Variants in SPNS3 observed in about 807,000 individuals in gnomAD.
SPNS3 encodes protein spinster homolog 3.
SPNS3 carries 51 observed loss-of-function variants against 54.4 expected under a neutral mutation model. That is an observed-to-expected ratio of 0.94 (90% confidence interval 0.75 to 1.18). The LOEUF is 1.18. Among genes scored for constraint, SPNS3 ranks in the 50% most tolerant of loss-of-function variants. The pLI, the probability that SPNS3 is intolerant of heterozygous loss-of-function variation, is 0.00. For synonymous variants in SPNS3, 309 were observed against 294.7 expected (o/e 1.05, Z -0.50); for missense variants, 669 against 677.4 (o/e 0.99, Z 0.14).
chr17:4,436,103 C>T (rs562657388), intron 1 of SPNS3, among the ~76,000 whole-genome samples: 2 of 152,152 alleles, frequency 1.3e-5, no homozygotes, highest in Admixed American at 1.3e-4. Context: ...CAGGAATGAC[C>T]ATCTCATGGG....
Position 4,486,961 on chromosome 17 carries a change from T to C in SPNS3, c.1450+378T>C, listed in dbSNP as rs897468853. ...GGCCAAGGCGGGCGGATTACAAGGT[T>C]AGGAGTTCAAGACCAGCCTGGGCAA... On this transcript the variant is annotated intron_variant, in intron 11 of 11. Coordinates refer to ENST00000355530, the MANE Select transcript of SPNS3 (RefSeq NM_182538.5). This position sits in a 1 kb window ranked among gnomAD's most constrained non-coding sequence, Gnocchi z 5.5. Among the ~76,000 whole-genome samples, 12 of 151,710 alleles carry C rather than the reference T, an allele frequency of 7.9e-5. No individual in the cohort carries two copies. The highest frequency in any genetic ancestry group is 1.7e-4 in the African/African-American group (7 of 41,246).
At chr17:4,477,167 G>C (rs957823243) in intron 8 of SPNS3, among the ~76,000 whole-genome samples, 7 of 152,230 alleles carry the variant, frequency 4.6e-5, no homozygotes, top group Non-Finnish European at 8.8e-5. Context: ...TCACGGCGTG[G>C]GGGGTGGGGG....
chr17:4,458,626 T>TTCCTTCC, intron 8 of SPNS3, among the ~76,000 whole-genome samples: 1 of 132,278 alleles, frequency 7.6e-6, no homozygotes, highest in African/African-American at 2.8e-5. Context: ...TCTTTCTTTC[T>TTCCTTCC]TTCTTTCTTT....
chr17:4,465,571 A>G (rs1971655867), intron 8 of SPNS3, among the ~76,000 whole-genome samples: 1 of 152,144 alleles, frequency 6.6e-6, no homozygotes. Context: ...CTACAAAAAT[A>G]CAAAAATTAG....
chr17:4,474,684 G>A (rs4790198), intron 8 of SPNS3, among the ~76,000 whole-genome samples: 90,170 of 152,042 alleles, frequency 0.59, 27,054 homozygotes, highest in Admixed American at 0.66. Context: ...GATGTGCACA[G>A]GAGTGAGACA....
intron 2 of SPNS3, among the ~76,000 whole-genome samples, chr17:4,444,040 G>T (rs768785634): frequency 1.1e-4 from 16 of 152,172 alleles, no homozygotes; most frequent in Non-Finnish European, 1.9e-4. Flanking sequence ...GGCAGAGGCT[G>T]CAGGGAGCTG....
intron 1 of SPNS3, among the ~76,000 whole-genome samples, chr17:4,438,878 A>G (rs772680679): frequency 2.0e-5 from 3 of 151,922 alleles, no homozygotes; most frequent in Non-Finnish European, 4.4e-5. Flanking sequence ...CTCACTGCAC[A>G]TGTGTCTGTG....
chr17:4,486,689 G>T lies in SPNS3; in HGVS notation c.1450+106G>T. On this transcript the variant is annotated intron_variant, in intron 11 of 11. Coordinates refer to ENST00000355530, the MANE Select transcript of SPNS3 (RefSeq NM_182538.5). The surrounding 1 kb of genome is among the most constrained non-coding windows in gnomAD (Gnocchi z 5.5). ...GCCAGTTTGTTTGTTCATTCATCCA[G>T]AAATGCTTAGTACACCCCTGCTATG... 8.2e-7 allele frequency: 1 copy of T among 1,222,278 alleles called. No individual in the cohort carries two copies. The highest frequency in any genetic ancestry group is 1.1e-6 in the Non-Finnish European group (1 of 889,674). 75.7% of individuals were successfully genotyped at this position (1,222,278 alleles called of 1,614,324 possible).
At chr17:4,472,396 G>T (rs139018867) in intron 8 of SPNS3, among the ~76,000 whole-genome samples, 13 of 152,284 alleles carry the variant, frequency 8.5e-5, no homozygotes, top group Admixed American at 3.3e-4. Flanking sequence ...CTTGGGCTCC[G>T]CAGACTTTTC....
intron 9 of SPNS3, among the ~76,000 whole-genome samples, chr17:4,480,539 C>T (rs2144216519): frequency 6.6e-6 from 1 of 152,356 alleles, no homozygotes; most frequent in South Asian, 2.1e-4. Context: ...CTCCCTCTTC[C>T]ACATGACAGC....
intron 2 of SPNS3, among the ~76,000 whole-genome samples, chr17:4,440,732 C>T (rs1159956562): frequency 2.6e-5 from 4 of 152,132 alleles, no homozygotes; most frequent in East Asian, 1.9e-4. Context: ...GAGGCCCCTG[C>T]GTGGATGCTC....
intron 8 of SPNS3, among the ~76,000 whole-genome samples, chr17:4,471,251 G>A (rs1971847041): frequency 6.6e-6 from 1 of 151,830 alleles, no homozygotes; most frequent in East Asian, 1.9e-4. Context: ...CATCATCCTT[G>A]TAGTGGCTTG....
intron 8 of SPNS3, among the ~76,000 whole-genome samples, chr17:4,469,768 C>T (rs1396982185): frequency 6.6e-6 from 1 of 152,070 alleles, no homozygotes; most frequent in Non-Finnish European, 1.5e-5. Flanking sequence ...ACGCATTCCA[C>T]ATGTCAGTCA....
rs1195439230 is a variant in SPNS3, at chr17:4,483,928, C to A, written c.1180-2300C>A. ...GATCCTCCCTCCACACCGTCGCTTA[C>A]ACTGTCCCCTGCCTGGAATGCCTTT... On this transcript the variant is annotated intron_variant, in intron 9 of 11. Transcript: ENST00000355530. The surrounding 1 kb of genome is among the most constrained non-coding windows in gnomAD (Gnocchi z 4.2). 1.3e-5 allele frequency among the ~76,000 whole-genome samples: 2 copies of A among 152,240 alleles called. No homozygotes were observed. The highest frequency in any genetic ancestry group is 3.8e-4 in the East Asian group (2 of 5,200).
chr17:4,476,495 G>T (rs1972004201), intron 8 of SPNS3, among the ~76,000 whole-genome samples: 1 of 152,224 alleles, frequency 6.6e-6, no homozygotes, highest in African/African-American at 2.4e-5. Context: ...CACAGAGGCA[G>T]ACGCTGGCAA....
chr17:4,441,441 T>C (rs1048175792), intron 2 of SPNS3, among the ~76,000 whole-genome samples: 1 of 152,300 alleles, frequency 6.6e-6, no homozygotes, highest in East Asian at 1.9e-4. Flanking sequence ...TGGTTTCCAA[T>C]TGCCCCTCAA....
At chr17:4,448,382 C>A (rs1971060574) in intron 6 of SPNS3, 79 bp downstream of exon 6, 4 of 1,348,716 alleles carry the variant, frequency 3.0e-6, no homozygotes, top group Admixed American at 3.4e-5. Flanking sequence ...CCTCTCTCCA[C>A]CTCCAGGGAG....
At chr17:4,440,183 A>C (rs1408184413) in intron 2 of SPNS3, among the ~76,000 whole-genome samples, 2 of 152,200 alleles carry the variant, frequency 1.3e-5, no homozygotes, top group Non-Finnish European at 2.9e-5. Context: ...CTCTGGGCCC[A>C]CAGACAGCCT....
intron 8 of SPNS3, among the ~76,000 whole-genome samples, chr17:4,459,532 C>G (rs543394058): frequency 3.9e-5 from 6 of 151,934 alleles, no homozygotes; most frequent in Non-Finnish European, 5.9e-5. Flanking sequence ...GGCAACACGG[C>G]AAAACCCTGT....
Sources: gnomAD v4.1 joint callset for allele counts (sites outside exome capture counted in the v4.1 genomes callset) on GRCh38, gnomAD v4.1.1 for gene constraint, Gnocchi (gnomAD v3.1) non-coding constraint, MANE v1.5 for transcripts, NCBI Gene and HGNC (gene_info 2026-07-23, HGNC 2026-07-21) for gene names.